FSHR: variants seen among roughly 807,000 people sequenced by gnomAD.
FSHR encodes the protein follicle stimulating hormone receptor, also known as follicle-stimulating hormone receptor.
In FSHR, 46 loss-of-function variants were observed where a neutral mutation model predicts 52.1. That is an observed-to-expected ratio of 0.88 (90% CI 0.70 to 1.13). The LOEUF (loss-of-function observed/expected upper bound fraction) is 1.13, where lower values mean the gene tolerates loss of function less well. FSHR is among the 50% of genes most tolerant of loss of function. FSHR has a pLI of 0.00. For missense variants in FSHR, 964 were observed against 834.6 expected (o/e 1.16, Z -1.91); for synonymous variants, 399 against 309.6 (o/e 1.29, Z -3.03).
chr2:49,115,478 G>T (rs190328285), intron 1 of FSHR, among the ~76,000 whole-genome samples: 3 of 151,980 alleles, frequency 2.0e-5, no homozygotes, highest in Non-Finnish European at 4.4e-5. Flanking sequence ...TTGTTAATTC[G>T]GAATAAGTGC....
chr2:49,111,865 AGT>A, intron 1 of FSHR, among the ~76,000 whole-genome samples: 1 of 152,186 alleles, frequency 6.6e-6, no homozygotes, highest in Non-Finnish European at 1.5e-5. Context: ...ACTCTCAAAC[AGT>A]ACATTGTCTT....
intron 1 of FSHR, among the ~76,000 whole-genome samples, chr2:49,125,945 A>T (rs913078276): frequency 2.0e-5 from 3 of 152,324 alleles, no homozygotes; most frequent in African/African-American, 7.2e-5. Flanking sequence ...CTAGAGGGCA[A>T]ACTGTCCATA....
intron 2 of FSHR, among the ~76,000 whole-genome samples, chr2:49,039,979 A>G (rs1668424189): frequency 6.6e-6 from 1 of 151,712 alleles, no homozygotes; most frequent in Non-Finnish European, 1.5e-5. Flanking sequence ...AAAATGTCCT[A>G]TCTTAATTGT....
At chr2:49,140,674 A>C (rs1029218070) in intron 1 of FSHR, among the ~76,000 whole-genome samples, 16 of 152,040 alleles carry the variant, frequency 1.1e-4, no homozygotes, top group African/African-American at 3.6e-4. Context: ...CACTCCATCC[A>C]GCCTGGGCGA....
intron 8 of FSHR, 22 bp from the exon 9 acceptor site, chr2:48,968,905 A>G (rs754630564): frequency 1.4e-5 from 22 of 1,607,884 alleles, no homozygotes; most frequent in Non-Finnish European, 1.7e-5. Flanking sequence ...AAAGGTAAAT[A>G]TAACAGGATT....
chr2:49,024,728 A>G (rs17038062), intron 2 of FSHR, among the ~76,000 whole-genome samples: 37,651 of 152,082 alleles, frequency 0.25, 5,390 homozygotes, highest in East Asian at 0.43. Flanking sequence ...TTTTTCTCCA[A>G]TATATCCAAA....
intron 1 of FSHR, among the ~76,000 whole-genome samples, chr2:49,147,626 C>T (rs1282018556): frequency 6.6e-6 from 1 of 152,022 alleles, no homozygotes. Context: ...AGCCAATTCT[C>T]AGGATAGAGT....
At chr2:49,037,068 A>C (rs567329871) in intron 2 of FSHR, among the ~76,000 whole-genome samples, 1 of 152,340 alleles carries the variant, frequency 6.6e-6, no homozygotes, top group African/African-American at 2.4e-5. Flanking sequence ...GAGAAGAATT[A>C]GAGATGAACT....
At chr2:48,993,335 A>T (rs1675869748) in intron 4 of FSHR, among the ~76,000 whole-genome samples, 1 of 152,108 alleles carries the variant, frequency 6.6e-6, no homozygotes, top group East Asian at 1.9e-4. Flanking sequence ...CTTCTTCTCA[A>T]TTACTCTCCA....
At chr2:49,107,373 G>A (rs185382370) in intron 1 of FSHR, among the ~76,000 whole-genome samples, 15 of 152,144 alleles carry the variant, frequency 9.9e-5, no homozygotes, top group African/African-American at 3.4e-4. Flanking sequence ...TCACCATGCT[G>A]TCTTGCACAC....
intron 2 of FSHR, among the ~76,000 whole-genome samples, chr2:49,027,505 G>A (rs1558398805): frequency 6.6e-6 from 1 of 152,144 alleles, no homozygotes; most frequent in Non-Finnish European, 1.5e-5. Flanking sequence ...TGGGAGCCAT[G>A]CATAGGATAA....
At chr2:49,011,143 C>T (rs1288682917) in intron 4 of FSHR, among the ~76,000 whole-genome samples, 1 of 150,848 alleles carries the variant, frequency 6.6e-6, no homozygotes, top group Middle Eastern at 3.2e-3. Context: ...TTGGATCTTT[C>T]CTGCTTTCTC....
At chr2:48,977,280 G>T (rs985768923) in intron 8 of FSHR, among the ~76,000 whole-genome samples, 6 of 152,178 alleles carry the variant, frequency 3.9e-5, no homozygotes, top group African/African-American at 1.4e-4. Context: ...CATACTTGGA[G>T]GAGTAAAGGG....
chr2:49,068,416 G>T, intron 1 of FSHR, 126 bp from the exon 2 acceptor site: 1 of 779,998 alleles, frequency 1.3e-6, no homozygotes, highest in Non-Finnish European at 2.2e-6. Context: ...TGTTGAAATT[G>T]CTTTTACATT....
chr2:49,110,523 G>A (rs2103751190), intron 1 of FSHR, among the ~76,000 whole-genome samples: 1 of 152,256 alleles, frequency 6.6e-6, no homozygotes, highest in East Asian at 1.9e-4. Flanking sequence ...AGGAAGGGAT[G>A]GAGTTTCAAC....
At chr2:49,100,108 C>T (rs545742343) in intron 1 of FSHR, among the ~76,000 whole-genome samples, 1 of 152,154 alleles carries the variant, frequency 6.6e-6, no homozygotes, top group Admixed American at 6.6e-5. Context: ...TCACAACAAA[C>T]CTATTACATA....
chr2:49,132,301 A>G (rs1338533970), intron 1 of FSHR, among the ~76,000 whole-genome samples: 1 of 152,164 alleles, frequency 6.6e-6, no homozygotes, highest in African/African-American at 2.4e-5. Flanking sequence ...ACTTCAGTCA[A>G]TGTTCAGGAC....
At chr2:49,111,262 C>G (rs550862520) in intron 1 of FSHR, among the ~76,000 whole-genome samples, 1 of 152,282 alleles carries the variant, frequency 6.6e-6, no homozygotes, top group Admixed American at 6.5e-5. Context: ...AGTAACTGTT[C>G]TGCCTCCTGA....
At chr2:49,013,574 A>C (rs1345957967) in intron 4 of FSHR, among the ~76,000 whole-genome samples, 2 of 147,580 alleles carry the variant, frequency 1.4e-5, no homozygotes, top group Admixed American at 1.4e-4. Flanking sequence ...TATTTATTGC[A>C]GGTAGAAGTG....
Sources: allele counts gnomAD v4.1 joint callset (sites outside exome capture counted in the v4.1 genomes callset), GRCh38; gene constraint gnomAD v4.1.1; transcripts MANE v1.5; gene names NCBI Gene and HGNC (gene_info 2026-07-23, HGNC 2026-07-21).